The following CHODL variants were observed in gnomAD, a reference collection of about 807,000 sequenced individuals.
CHODL encodes transmembrane protein MT75.
In CHODL, 29 loss-of-function variants were observed where a neutral mutation model predicts 34.5. That is an observed-to-expected ratio of 0.84 (90% confidence interval 0.63 to 1.15). CHODL has a LOEUF of 1.15. Ranked by LOEUF, CHODL falls within the 50% of genes most tolerant of loss-of-function variation. The pLI, the probability that CHODL is intolerant of heterozygous loss-of-function variation, is 0.00. For missense variants in CHODL, 332 were observed against 332.5 expected, an observed-to-expected ratio of 1.00 and a Z score of 0.01; for synonymous variants, 125 against 116.1, an observed-to-expected ratio of 1.08 and a Z score of -0.49.
At chr21:17,966,891 CTT>C (rs71830028) in intron 1 of CHODL, among the ~76,000 whole-genome samples, 5 of 144,692 alleles carry the variant, frequency 3.5e-5, no homozygotes, top group South Asian at 2.2e-4. Flanking sequence ...TTTTCCTGAG[CTT>C]TTTTTTTTTT....
At chr21:18,101,308 T>C (rs558214120) in intron 2 of CHODL, among the ~76,000 whole-genome samples, 11 of 152,184 alleles carry the variant, frequency 7.2e-5, no homozygotes, top group Non-Finnish European at 1.5e-4. Flanking sequence ...AATAAACGTC[T>C]TTCTTTTGTA....
intron 1 of CHODL, among the ~76,000 whole-genome samples, chr21:17,996,116 A>C (rs1353895275): frequency 6.6e-6 from 1 of 151,912 alleles, no homozygotes. Context: ...CTATGGTCAC[A>C]TGCTTCCCAT....
intron 4 of CHODL, among the ~76,000 whole-genome samples, chr21:18,261,633 T>A (rs2074384024): frequency 6.6e-6 from 1 of 152,054 alleles, no homozygotes; most frequent in South Asian, 2.1e-4. Context: ...CGCCATGCAC[T>A]CTGGCCTGGG....
intron 1 of CHODL, among the ~76,000 whole-genome samples, chr21:17,963,396 A>C (rs2063547779): frequency 6.6e-6 from 1 of 152,240 alleles, no homozygotes; most frequent in Non-Finnish European, 1.5e-5. Context: ...ATTTATAAAG[A>C]AAAAGAGGTT....
intron 2 of CHODL, among the ~76,000 whole-genome samples, chr21:18,089,632 A>C (rs2065047977): frequency 6.6e-6 from 1 of 152,178 alleles, no homozygotes; most frequent in Non-Finnish European, 1.5e-5. Context: ...TTACTTATTC[A>C]AGGATATGGA....
chr21:17,979,990 A>AC (rs2063700949), intron 1 of CHODL, among the ~76,000 whole-genome samples: 1 of 152,032 alleles, frequency 6.6e-6, no homozygotes, highest in Non-Finnish European at 1.5e-5. Flanking sequence ...TTCTTTTCCT[A>AC]CTTCAATAGA....
intron 1 of CHODL, among the ~76,000 whole-genome samples, chr21:18,255,407 T>C (rs961409366): frequency 6.6e-5 from 10 of 152,126 alleles, no homozygotes; most frequent in African/African-American, 2.4e-4. Context: ...AAGGTTAAAT[T>C]AGAGGAAGAC....
chr21:18,240,264 C>T (rs1255997879), upstream of CHODL, among the ~76,000 whole-genome samples: 1 of 151,970 alleles, frequency 6.6e-6, no homozygotes, highest in African/African-American at 2.4e-5. Context: ...ATGCAAATAA[C>T]ATATGACATT....
chr21:18,143,206 G>A (rs2072823625), intron 2 of CHODL, among the ~76,000 whole-genome samples: 1 of 152,146 alleles, frequency 6.6e-6, no homozygotes. Flanking sequence ...ATATTTTCCA[G>A]GTTAAGCACC....
At chr21:18,207,659 C>CTTTTTTTTTTT (rs34259143) in intron 2 of CHODL, among the ~76,000 whole-genome samples, 18 of 55,948 alleles carry the variant, frequency 3.2e-4, no homozygotes, top group Non-Finnish European at 4.5e-4. Flanking sequence ...AATCTCTCAG[C>CTTTTTTTTTTT]TTTTTTTTTT....
intron 2 of CHODL, among the ~76,000 whole-genome samples, chr21:18,060,316 A>C (rs1424295288): frequency 6.6e-6 from 1 of 151,968 alleles, no homozygotes; most frequent in East Asian, 1.9e-4. Flanking sequence ...TTGGCCTAGC[A>C]TGGTGGTGCA....
chr21:18,215,346 A>G (rs924909579), intron 2 of CHODL, among the ~76,000 whole-genome samples: 3 of 152,188 alleles, frequency 2.0e-5, no homozygotes, highest in African/African-American at 7.2e-5. Flanking sequence ...CTTCTCCAGC[A>G]TGAAAGCAGG....
chr21:18,229,499 A>T (rs2146752470), intron 2 of CHODL, among the ~76,000 whole-genome samples: 1 of 151,734 alleles, frequency 6.6e-6, no homozygotes, highest in East Asian at 1.9e-4. Context: ...AGACCAAACC[A>T]AAATGTGTAA....
chr21:18,102,672 C>T (rs191976772), intron 2 of CHODL, among the ~76,000 whole-genome samples: 166 of 152,282 alleles, frequency 1.1e-3, no homozygotes, highest in African/African-American at 3.8e-3. Flanking sequence ...TTATAATTGT[C>T]TAACCCTTTA....
intron 2 of CHODL, among the ~76,000 whole-genome samples, chr21:18,151,986 C>T (rs940126273): frequency 1.6e-3 from 147 of 92,306 alleles, no homozygotes; most frequent in African/African-American, 5.9e-3. Context: ...ATGTATATAA[C>T]TCTGTGTGTG....
intron 2 of CHODL, among the ~76,000 whole-genome samples, chr21:18,048,673 CTGAATAA>C (rs2064475268): frequency 6.6e-6 from 1 of 151,936 alleles, no homozygotes; most frequent in Non-Finnish European, 1.5e-5. Context: ...TGCGAGGTAA[CTGAATAA>C]TGCTTTCAAT....
intron 2 of CHODL, among the ~76,000 whole-genome samples, chr21:18,094,802 G>A (rs1413491812): frequency 6.9e-6 from 1 of 144,590 alleles, no homozygotes; most frequent in African/African-American, 2.5e-5. Context: ...GGAAAAACAA[G>A]AGGGAACCAA....
chr21:18,096,300 G>T (rs2065139036), intron 2 of CHODL, among the ~76,000 whole-genome samples: 1 of 152,140 alleles, frequency 6.6e-6, no homozygotes, highest in African/African-American at 2.4e-5. Flanking sequence ...TGAACAATAT[G>T]AAATCTGGGC....
intron 1 of CHODL, among the ~76,000 whole-genome samples, chr21:17,945,161 G>A (rs965629584): frequency 1.3e-5 from 2 of 149,188 alleles, no homozygotes; most frequent in African/African-American, 2.5e-5. Flanking sequence ...GCAGTGAGCC[G>A]AGATCGCTCC....
Sources: gnomAD v4.1 joint callset for allele counts (sites outside exome capture counted in the v4.1 genomes callset) on GRCh38, gnomAD v4.1.1 for gene constraint, MANE v1.5 for transcripts, NCBI Gene and HGNC (gene_info 2026-07-23, HGNC 2026-07-21) for gene names.